Variants in RP1L1 observed in about 807,000 individuals in gnomAD.
The protein encoded by RP1L1 is RP1 like 1, also known as retinitis pigmentosa 1-like 1 protein.
In RP1L1, 27 loss-of-function variants were observed where a neutral mutation model predicts 15.7. That is an observed-to-expected ratio of 1.72 (90% CI 1.27 to 2.38). RP1L1 has a LOEUF of 2.38. Among genes scored for constraint, RP1L1 ranks in the 30% most tolerant of loss-of-function variants. The pLI is 0.00. For synonymous variants in RP1L1, 1,813 were observed against 1,276.7 expected, an observed-to-expected ratio of 1.42 and a Z score of -8.96; for missense variants, 4,798 against 3,075.9, an observed-to-expected ratio of 1.56 and a Z score of -13.24.
chr8:10,621,263 C>G (rs1798054149), intron 2 of RP1L1: 1 of 155,780 alleles, frequency 6.4e-6, no homozygotes, highest in Non-Finnish European at 1.4e-5. Context: ...AGGGAGAGCT[C>G]TGTTACTCCA....
rs747180512 is a variant in RP1L1, at chr8:10,608,305, G to T, written c.5793C>A (p.Asp1931Glu). The change falls in exon 4 of 4, where the codon GAC becomes GAA. Residue 1931 changes from aspartate to glutamate, a missense_variant. Asp to Glu is a conservative substitution (Grantham distance 45, BLOSUM62 2). Transcript: ENST00000382483. ...SVEALETEGE[D>E]EPESEGAEAQ... Reference sequence around the variant, plus strand: ...CCTCTGCACCTTCTGACTCTGGCTCGTCCTCCCCTTCAGTCTCCAGGGCCT... The same window carrying T: ...CCTCTGCACCTTCTGACTCTGGCTCTTCCTCCCCTTCAGTCTCCAGGGCCT... 2.5e-6 allele frequency: 4 copies of T among 1,610,846 alleles called. No homozygotes were observed. The highest frequency in any genetic ancestry group is 1.7e-5 in the Admixed American group (1 of 59,708).
rs756931756 is a variant in RP1L1, at chr8:10,608,585, G to T, written c.5513C>A (p.Pro1838Gln). The stretch of plus-strand genomic sequence containing the variant: ...TGGCTGGGCCTCCCCTTCAGCCTCC[G>T]GGGCCTCTATGCCTTCGGCCCCATC... ...QSDGAEGIEA[P>Q]EAEGEAQPES... The change falls in exon 4 of 4, where the codon CCG (proline) becomes CAG (glutamine). Residue 1838 changes from proline to glutamine, a missense_variant. Pro to Gln is a moderately conservative substitution (Grantham distance 76). Transcript: ENST00000382483. 2.5e-6 allele frequency: 4 copies of T among 1,613,378 alleles called. No homozygotes were observed. The African/African-American group carries it at 5.4e-5, about 22-fold the overall frequency.
chr8:10,636,446 C>T (rs750422391), intron 1 of RP1L1, among the ~76,000 whole-genome samples: 12 of 152,292 alleles, frequency 7.9e-5, no homozygotes, highest in South Asian at 2.1e-4. Flanking sequence ...ATGGAGACAT[C>T]GCATCTGCCC....
At position 10,612,023 on chromosome 8, in the gene RP1L1, C is replaced by T. The variant is rs142446035; in HGVS notation, c.2075G>A (p.Arg692Gln). Residue 692 changes from arginine (R) to glutamine (Q), a missense_variant, in exon 4 of 4, where the codon CGG (arginine) becomes CAG (glutamine). Transcript: ENST00000382483. ...TGAGCCATCCTGGCAGGCCCTTCGC[C>T]GCTCAGGAGGCCTCGGCACTTGCTT... is the stretch of plus-strand genomic sequence containing the variant. ...VTKQVPRPPE[R>Q]RRACQDGSVP... 4.2e-5 allele frequency: 68 copies of T among 1,613,906 alleles called. No individual in the cohort carries two copies. Among genetic ancestry groups the T allele is most frequent in the Admixed American group, 5.0e-5 (3 of 60,036 alleles).
At chr8:10,631,611 G>A (rs1397878460) in intron 1 of RP1L1, among the ~76,000 whole-genome samples, 2 of 152,212 alleles carry the variant, frequency 1.3e-5, no homozygotes, top group African/African-American at 4.8e-5. Flanking sequence ...AGACATCCGA[G>A]GCTTGGCAAA....
In RP1L1 at chr8:10,608,337, T is replaced by G. The variant is rs149704659; in HGVS notation, c.5761A>C (p.Ser1921Arg). Residue 1921 changes from serine to arginine, a missense_variant, in exon 4 of 4, where the codon AGT becomes CGT. Transcript: ENST00000382483. ...AEKEAQPETESVEALETEGED... is the reference protein window; with the variant it reads ...AEKEAQPETERVEALETEGED... ...CCTTCAGTCTCCAGGGCCTCTACAC[T>G]TTCTGTCTCTGGCTGGGCCTCCTTT... The G allele has an allele frequency of 1.4e-3, 2,188 of 1,521,344 alleles. 20 individuals are homozygous for G. The African/African-American group carries it at 0.032, about 22-fold the overall frequency. The allele number at this position is 1,521,344 out of a possible 1,614,324, so 94.2% of individuals were successfully genotyped here.
At chr8:10,654,155 G>A (rs1057449721) in intron 1 of RP1L1, among the ~76,000 whole-genome samples, 1 of 152,118 alleles carries the variant, frequency 6.6e-6, no homozygotes, top group South Asian at 2.1e-4. Flanking sequence ...CCTAAGCCTC[G>A]TTTTCTCCAC....
chr8:10,653,999 C>A (rs1192966414), intron 1 of RP1L1, among the ~76,000 whole-genome samples: 1 of 152,066 alleles, frequency 6.6e-6, no homozygotes. Flanking sequence ...GAGCCTGGGG[C>A]AGGGGGATGA....
At chr8:10,616,935 A>C (rs1337772935) in intron 2 of RP1L1, among the ~76,000 whole-genome samples, 2 of 152,180 alleles carry the variant, frequency 1.3e-5, no homozygotes, top group Non-Finnish European at 2.9e-5. Context: ...TCCCTGAAGC[A>C]GCTGGAGCAG....
Position 10,610,227 on chromosome 8 carries a change from G to A in RP1L1, c.3871C>T (p.Gln1291Ter), listed in dbSNP as rs369153518. ...EEQRASSNLE[Q>*]LAENTVQEEV... is the part of the protein sequence containing the mutation. ...TCTTGCACTGTGTTTTCAGCTAACT[G>A]CTCCAGGTTCGAGCTCGCCCTCTGC... Residue 1291 changes from glutamine (Q) to a stop codon, truncating the protein, a stop_gained, in exon 4 of 4, where the codon CAG (glutamine) becomes TAG (stop). Coordinates refer to ENST00000382483, the MANE Select transcript of RP1L1 (RefSeq NM_178857.6). LOFTEE classifies it low-confidence loss of function (END_TRUNC). 7 of 1,591,912 alleles carry A rather than the reference G, an allele frequency of 4.4e-6. No homozygotes were observed. In the African/African-American group the frequency reaches 8.4e-5, roughly 19 times the overall value.
At position 10,609,795 on chromosome 8, in the gene RP1L1, C is replaced by A; in HGVS notation, c.4303G>T (p.Ala1435Ser). 1 of 1,614,036 alleles carries A rather than the reference C, an allele frequency of 6.2e-7. No homozygotes were observed. The highest frequency in any genetic ancestry group is 8.5e-7 in the Non-Finnish European group (1 of 1,180,018). ...DPVQEEEAGR[A>S]SASAEPCPAE... ...GGGCACGGCTCTGCAGAGGCAGAGG[C>A]TCTTCCTGCTTCCTCCTCCTGGACT... The change falls in exon 4 of 4, where the codon GCC becomes TCC. Residue 1435 changes from alanine to serine, a missense_variant. Transcript: ENST00000382483.
chr8:10,612,611 C>A lies in RP1L1; in HGVS notation c.1487G>T (p.Gly496Val). ...GCCGGGGTCCTCACCCAGGCTCCCT[C>A]CAGCTTTCCGCTCAGCCCCTATCTG... The part of the protein sequence containing the change: ...SAQIGAERKA[G>V]GSLGEDPGLC... Residue 496 changes from glycine to valine, a missense_variant, in exon 4 of 4, where the codon GGA becomes GTA. Coordinates refer to ENST00000382483, the MANE Select transcript of RP1L1 (RefSeq NM_178857.6). The A allele has an allele frequency of 6.2e-7, 1 of 1,602,234 alleles. No homozygotes were observed. Among genetic ancestry groups the A allele is most frequent in the Non-Finnish European group, 8.5e-7 (1 of 1,179,296 alleles).
chr8:10,626,069 G>A (rs755402471), intron 1 of RP1L1, among the ~76,000 whole-genome samples: 13 of 152,142 alleles, frequency 8.5e-5, no homozygotes, highest in Non-Finnish European at 1.8e-4. Context: ...GAAGTCACAG[G>A]AAATGCTCCA....
intron 1 of RP1L1, among the ~76,000 whole-genome samples, chr8:10,646,951 T>G (rs916479083): frequency 6.6e-6 from 1 of 152,206 alleles, no homozygotes; most frequent in Admixed American, 6.5e-5. Flanking sequence ...GTCAGCTTCC[T>G]TGGGGGTCGC....
At chr8:10,636,255 G>A (rs1798328311) in intron 1 of RP1L1, among the ~76,000 whole-genome samples, 1 of 152,160 alleles carries the variant, frequency 6.6e-6, no homozygotes, top group African/African-American at 2.4e-5. Flanking sequence ...AGGGTTCTGG[G>A]GGCATCTGGG....
rs1168344590 is a variant in RP1L1 at position 10,616,437 on chromosome 8, C to T, written c.751+9G>A. 6.2e-7 allele frequency: 1 copy of T among 1,614,118 alleles called. No individual in the cohort carries two copies. The highest frequency in any genetic ancestry group is 1.3e-5 in the African/African-American group (1 of 74,954). On this transcript the variant is annotated intron_variant, in intron 3 of 3. Coordinates refer to ENST00000382483, the MANE Select transcript of RP1L1 (RefSeq NM_178857.6). ...AAATCAGATGGGGGAAACCCAAAAA[C>T]CAACTCACCGTTTTTGTTTCTTGAA...
At chr8:10,616,722 A>C (rs2117213721) in intron 2 of RP1L1, 135 bp from the exon 3 acceptor site, 1 of 1,044,350 alleles carries the variant, frequency 9.6e-7, no homozygotes. Flanking sequence ...TCCTGGTCCA[A>C]GGAGGGGTCT....
At chr8:10,615,613 C>CA in intron 3 of RP1L1, among the ~76,000 whole-genome samples, 1 of 152,296 alleles carries the variant, frequency 6.6e-6, no homozygotes, top group Admixed American at 6.5e-5. Context: ...ACTCAAGTCT[C>CA]AAACTCCTGG....
rs774432737 is a variant in RP1L1 at position 10,622,958 on chromosome 8, TGA to T, written c.242_243del (p.Val81AspfsTer8). Reference sequence around the variant, plus strand: ...AGGCTATGCAGGCCCCGGGGTGTGGTGACAGAGCGCACCCCAAAGGAGAGAGG... The same window carrying T: ...AGGCTATGCAGGCCCCGGGGTGTGGTCAGAGCGCACCCCAAAGGAGAGAGG... Reference protein sequence around the residue: ...RVPLSFGVRSVTTPRGLHSLS... With the variant: ...RVPLSFGVRSXTTPRGLHSLS... On this transcript the variant is annotated frameshift_variant, in exon 2 of 4. Coordinates refer to ENST00000382483, the MANE Select transcript of RP1L1 (RefSeq NM_178857.6). LOFTEE classifies it high-confidence loss of function. The T allele has an allele frequency of 3.1e-6, 5 of 1,613,964 alleles. No individual in the cohort carries two copies. The South Asian group carries it at 4.4e-5, about 14-fold the overall frequency.
Sources: allele counts gnomAD v4.1 joint callset (sites outside exome capture counted in the v4.1 genomes callset), GRCh38; gene constraint gnomAD v4.1.1; transcripts MANE v1.5; gene names NCBI Gene and HGNC (gene_info 2026-07-23, HGNC 2026-07-21).